PCDHGA11: variants seen among roughly 807,000 people sequenced by gnomAD.
The protein encoded by PCDHGA11 is protocadherin gamma-A11.
A neutral mutation model predicts 60.4 loss-of-function variants in PCDHGA11; 39 were observed. The observed-to-expected ratio is 0.65, with a 90% CI of 0.50 to 0.84. The LOEUF is 0.84. Ranked by LOEUF, PCDHGA11 falls within the 40% of genes least tolerant of loss-of-function variation. The probability of loss-of-function intolerance (pLI) is 0.00; values close to 1 mark genes in which losing one functional copy is unlikely to be tolerated. For synonymous variants in PCDHGA11, 533 were observed against 510.3 expected (o/e 1.04, Z -0.60); for missense variants, 1,165 against 1,197.7 (o/e 0.97, Z 0.40).
intron 2 of PCDHGA11, among the ~76,000 whole-genome samples, chr5:141,497,880 T>C (rs2099780200): frequency 6.6e-6 from 1 of 152,170 alleles, no homozygotes; most frequent in Non-Finnish European, 1.5e-5. Context: ...GAAATAAGCG[T>C]TAGGATCTAG....
At chr5:141,450,445 T>C (rs1490338949) in intron 1 of PCDHGA11, among the ~76,000 whole-genome samples, 1 of 152,168 alleles carries the variant, frequency 6.6e-6, no homozygotes, top group East Asian at 1.9e-4. Context: ...ATTTGTTTTA[T>C]GTTTCCTCGT....
rs777925358 is a variant in PCDHGA11 at position 141,477,657 on chromosome 5, G to T, written c.2434-17150G>T. ...GTGGGTCGCTATTTCACAATAAATC[G>T]TGACAATGGCATAGTGTCATCCTTA... On this transcript the variant is annotated intron_variant, in intron 1 of 3. Transcript: ENST00000398587. This position sits in a 1 kb window ranked among gnomAD's most constrained non-coding sequence, Gnocchi z 4.9. 6.8e-6 allele frequency: 11 copies of T among 1,614,072 alleles called. No individual in the cohort carries two copies. Among genetic ancestry groups the T allele is most frequent in the South Asian group, 2.2e-5 (2 of 91,090 alleles).
chr5:141,447,919 C>G (rs940570932), intron 1 of PCDHGA11, among the ~76,000 whole-genome samples: 2 of 152,012 alleles, frequency 1.3e-5, no homozygotes, highest in East Asian at 1.9e-4. Context: ...AACTCTGTCT[C>G]CACTAAAAAT....
intron 1 of PCDHGA11, chr5:141,478,008 C>T: frequency 6.2e-7 from 1 of 1,614,124 alleles, no homozygotes; most frequent in Non-Finnish European, 8.5e-7. Flanking sequence ...ATCAGTACTG[C>T]CCGTCCAGTC....
chr5:141,474,518 G>T (rs1054372142), intron 1 of PCDHGA11, among the ~76,000 whole-genome samples: 1 of 152,168 alleles, frequency 6.6e-6, no homozygotes, highest in African/African-American at 2.4e-5. Context: ...CCTCTTGCTG[G>T]TCTGGCTAAT....
intron 1 of PCDHGA11, among the ~76,000 whole-genome samples, chr5:141,456,808 C>CA (rs1316636483): frequency 6.6e-5 from 10 of 151,878 alleles, no homozygotes; most frequent in Admixed American, 6.6e-4. Flanking sequence ...ACTAAAAATA[C>CA]AAAAAATTAG....
chr5:141,472,263 C>T (rs978647191), intron 1 of PCDHGA11, among the ~76,000 whole-genome samples: 7 of 152,144 alleles, frequency 4.6e-5, no homozygotes, highest in South Asian at 2.1e-4. Flanking sequence ...ATATTATAGC[C>T]GGGCACAGTG....
chr5:141,477,572 G>T lies in PCDHGA11; in HGVS notation c.2434-17235G>T, dbSNP rs375416133. The T allele has an allele frequency of 6.2e-7, 1 of 1,614,112 alleles. No homozygotes were observed. Among genetic ancestry groups the T allele is most frequent in the South Asian group, 1.1e-5 (1 of 91,072 alleles). ...AAACCTAAGTGTCTGGGACCCCGAC[G>T]CCCCGCAGAATGCTCGGCTTTCTTT... On this transcript the variant is annotated intron_variant, in intron 1 of 3. Transcript: ENST00000398587. The surrounding 1 kb of genome is among the most constrained non-coding windows in gnomAD (Gnocchi z 4.9).
At chr5:141,428,018 C>A in intron 1 of PCDHGA11, 12 of 1,604,570 alleles carry the variant, frequency 7.5e-6, no homozygotes, top group Middle Eastern at 1.7e-4. Context: ...TAGTGCCACG[C>A]GCCGCAGAGT....
chr5:141,421,281 C>T lies in PCDHGA11; in HGVS notation c.54C>T (p.Cys18=). The change falls in exon 1 of 4, where the codon TGC becomes TGT. Residue 18 remains cysteine, a synonymous_variant. Coordinates refer to ENST00000398587, the MANE Select transcript of PCDHGA11 (RefSeq NM_018914.3). ...GCAGTCGGCTGCTGCTGCTGCTGTG[C>T]ATTTTCCTGGGGACGCTGCGGGGGT... ...GDRSRLLLLL[C]IFLGTLRGFR... is the part of the protein sequence containing the mutation. The T allele has an allele frequency of 1.2e-6, 2 of 1,612,970 alleles. No homozygotes were observed. The highest frequency in any genetic ancestry group is 2.2e-5 in the South Asian group (2 of 91,064).
In PCDHGA11 at chr5:141,512,501, G is replaced by A. The variant is rs1474842711; in HGVS notation, c.*1328G>A. The A allele has an allele frequency of 6.5e-6, 1 of 152,914 alleles. No homozygotes were observed. The highest frequency in any genetic ancestry group is 1.5e-5 in the Non-Finnish European group (1 of 68,258). The allele number at this position is 152,914 out of a possible 1,614,324, so 9.5% of individuals were successfully genotyped here. On this transcript the variant is annotated 3_prime_UTR_variant, in exon 4 of 4. Transcript: ENST00000398587. The stretch of plus-strand genomic sequence containing the variant: ...GAAGGCCACTGCCCAGGTCCCCAGT[G>A]CGCCCCCTAGTGGCCATAGCCTGGT...
In PCDHGA11 at chr5:141,431,159, C is replaced by A. The variant is rs1017606383; in HGVS notation, c.2433+7499C>A. On this transcript the variant is annotated intron_variant, in intron 1 of 3. Coordinates refer to ENST00000398587, the MANE Select transcript of PCDHGA11 (RefSeq NM_018914.3). The surrounding 1 kb of genome is among the most constrained non-coding windows in gnomAD (Gnocchi z 4.8). The stretch of plus-strand genomic sequence containing the variant: ...CATTAACGACAATGCGCCTTACTTT[C>A]GTGAAAGTGAATTAGAAATAAAAAT... The A allele has an allele frequency of 6.2e-7, 1 of 1,614,158 alleles. No homozygotes were observed. The highest frequency in any genetic ancestry group is 1.3e-5 in the African/African-American group (1 of 75,046).
intron 1 of PCDHGA11, chr5:141,428,862 T>TC (rs1345604550): frequency 2.7e-5 from 2 of 74,856 alleles, no homozygotes; most frequent in African/African-American, 2.0e-4. Flanking sequence ...ACGGGAGACT[T>TC]TTTTTTTTTT....
Position 141,510,938 on chromosome 5 carries a change from T to A in PCDHGA11, c.2582-9T>A. 1 of 1,614,026 alleles carries A rather than the reference T, an allele frequency of 6.2e-7. No homozygotes were observed. Among genetic ancestry groups the A allele is most frequent in the Non-Finnish European group, 8.5e-7 (1 of 1,179,984 alleles). ...TTAGCTCCCACCTGATCTTCCTCTG[T>A]CTCTGCAGAAGCTGCTGATGGGAGC... On this transcript the variant is annotated splice_polypyrimidine_tract_variant and intron_variant, in intron 3 of 3. Coordinates refer to ENST00000398587, the MANE Select transcript of PCDHGA11 (RefSeq NM_018914.3).
Position 141,510,960 on chromosome 5 carries a change from G to C in PCDHGA11, c.2595G>C (p.Gly865=). The change falls in exon 4 of 4, where the codon GGG becomes GGC. Residue 865 remains glycine, a synonymous_variant. Transcript: ENST00000398587. ...CTGTCTCTGCAGAAGCTGCTGATGG[G>C]AGCTCCACCCTGGGAGGGGGTGCCG... The part of the protein sequence containing the change: ...ILASASEAAD[G]SSTLGGGAGT... 1 of 1,614,120 alleles carries C rather than the reference G, an allele frequency of 6.2e-7. No homozygotes were observed. Among genetic ancestry groups the C allele is most frequent in the Non-Finnish European group, 8.5e-7 (1 of 1,180,022 alleles).
At chr5:141,424,540 T>G (rs944656560) in intron 1 of PCDHGA11, 1 of 152,244 alleles carries the variant, frequency 6.6e-6, no homozygotes, top group Admixed American at 6.5e-5. Flanking sequence ...TAGAAATAAC[T>G]TGATTTTGAT....
chr5:141,431,685 A>C lies in PCDHGA11; in HGVS notation c.2433+8025A>C. The C allele has an allele frequency of 6.2e-7, 1 of 1,614,246 alleles. No homozygotes were observed. Among genetic ancestry groups the C allele is most frequent in the East Asian group, 2.2e-5 (1 of 44,876 alleles). ...ATATCAACAATAGGGGAGTTGGACCACGAGGAGTCAGGATTCTACCAGATG... is the reference window on the plus strand; with the variant it reads ...ATATCAACAATAGGGGAGTTGGACCCCGAGGAGTCAGGATTCTACCAGATG... On this transcript the variant is annotated intron_variant, in intron 1 of 3. Transcript: ENST00000398587. This position sits in a 1 kb window ranked among gnomAD's most constrained non-coding sequence, Gnocchi z 4.8.
intron 1 of PCDHGA11, chr5:141,433,145 G>C (rs2097571427): frequency 6.2e-7 from 1 of 1,613,922 alleles, no homozygotes; most frequent in Non-Finnish European, 8.5e-7. Flanking sequence ...GCTGTCAGGT[G>C]ATTCGGTATT....
At chr5:141,425,987 G>A (rs1304785231) in intron 1 of PCDHGA11, among the ~76,000 whole-genome samples, 1 of 152,188 alleles carries the variant, frequency 6.6e-6, no homozygotes, top group Non-Finnish European at 1.5e-5. Flanking sequence ...GAATCCCATT[G>A]AATTAGCAAA....
Sources: gnomAD v4.1 joint callset for allele counts (sites outside exome capture counted in the v4.1 genomes callset) on GRCh38, gnomAD v4.1.1 for gene constraint, Gnocchi (gnomAD v3.1) non-coding constraint, MANE v1.5 for transcripts, NCBI Gene and HGNC (gene_info 2026-07-23, HGNC 2026-07-21) for gene names.